FBXO36: variants seen among roughly 807,000 people sequenced by gnomAD.
FBXO36 encodes the protein F-box protein 36, also known as F-box only protein 36.
In FBXO36, 18 loss-of-function variants were observed where a neutral mutation model predicts 17.0. The ratio of observed to expected loss-of-function variants is 1.06; its 90% CI spans 0.73 to 1.57. The LOEUF is 1.57. Among genes scored for constraint, FBXO36 ranks in the 40% most tolerant of loss-of-function variants. FBXO36 has a pLI of 0.00. For synonymous variants in FBXO36, 83 were observed against 85.3 expected, an observed-to-expected ratio of 0.97 and a Z score of 0.15; for missense variants, 229 against 221.9, an observed-to-expected ratio of 1.03 and a Z score of -0.20.
At chr2:229,952,284 T>G (rs892262222) in intron 1 of FBXO36, among the ~76,000 whole-genome samples, 1 of 152,146 alleles carries the variant, frequency 6.6e-6, no homozygotes, top group Non-Finnish European at 1.5e-5. Context: ...TAGGGGAGTT[T>G]CCCAAGACAA....
At chr2:229,957,889 AT>A (rs1207930450) in intron 1 of FBXO36, among the ~76,000 whole-genome samples, 2 of 152,266 alleles carry the variant, frequency 1.3e-5, no homozygotes, top group African/African-American at 4.8e-5. Context: ...TTTAAAATAA[AT>A]TTTTTACTAC....
intron 1 of FBXO36, among the ~76,000 whole-genome samples, chr2:229,971,956 AC>A (rs1434840753): frequency 7.2e-6 from 1 of 139,842 alleles, no homozygotes; most frequent in Non-Finnish European, 1.6e-5. Context: ...GGGATTGCAG[AC>A]ATGAGCCACT....
At chr2:230,010,561 A>G (rs2077410158) in intron 3 of FBXO36, 135 bp from the exon 4 acceptor site, 2 of 707,626 alleles carry the variant, frequency 2.8e-6, no homozygotes, top group Non-Finnish European at 4.6e-6. Flanking sequence ...TGTTTTCCTC[A>G]AAGAGGAGGT....
intron 1 of FBXO36, among the ~76,000 whole-genome samples, chr2:229,962,187 A>C (rs949077141): frequency 2.6e-5 from 4 of 152,042 alleles, no homozygotes; most frequent in African/African-American, 9.7e-5. Context: ...AAAAAAAAAA[A>C]AATTAGGTTT....
At chr2:229,952,815 A>C (rs1437306785) in intron 1 of FBXO36, among the ~76,000 whole-genome samples, 1 of 152,144 alleles carries the variant, frequency 6.6e-6, no homozygotes, top group African/African-American at 2.4e-5. Flanking sequence ...ACTGATAACG[A>C]ACTACAGATG....
intron 3 of FBXO36, among the ~76,000 whole-genome samples, chr2:230,003,209 TAAAAAAAAAAAA>T (rs397872634): frequency 1.9e-5 from 2 of 104,604 alleles, no homozygotes; most frequent in Non-Finnish European, 3.8e-5. Flanking sequence ...GACTCCGTCT[TAAAAAAAAAAAA>T]AAAAAAAAAA....
At chr2:229,957,818 A>G (rs1323477222) in intron 1 of FBXO36, among the ~76,000 whole-genome samples, 1 of 152,202 alleles carries the variant, frequency 6.6e-6, no homozygotes, top group East Asian at 1.9e-4. Context: ...ATTCCCCGCC[A>G]GGAGATTAGA....
At chr2:229,955,261 G>A (rs891029000) in intron 1 of FBXO36, among the ~76,000 whole-genome samples, 7 of 152,118 alleles carry the variant, frequency 4.6e-5, no homozygotes, top group African/African-American at 1.7e-4. Context: ...GAAATATGTT[G>A]GCCAGGCATG....
At chr2:230,005,515 A>G (rs1438351375) in intron 3 of FBXO36, among the ~76,000 whole-genome samples, 1 of 152,206 alleles carries the variant, frequency 6.6e-6, no homozygotes, top group East Asian at 1.9e-4. Context: ...TGCTAAGTGT[A>G]ACTATTTAAA....
chr2:229,977,421 T>C (rs1414623611), intron 2 of FBXO36, among the ~76,000 whole-genome samples: 1 of 152,136 alleles, frequency 6.6e-6, no homozygotes, highest in East Asian at 1.9e-4. Flanking sequence ...AATTCAAACA[T>C]AAAAAGCAGA....
At chr2:229,949,313 C>G (rs2077043058) in intron 1 of FBXO36, among the ~76,000 whole-genome samples, 3 of 151,986 alleles carry the variant, frequency 2.0e-5, no homozygotes, top group African/African-American at 7.3e-5. Context: ...GGAATTTACC[C>G]TAAGGAAATA....
Position 230,001,763 on chromosome 2 carries a change from C to A in FBXO36, c.378+4840C>A, listed in dbSNP as rs182744424. Reference sequence around the variant, plus strand: ...ATCAGTGCTACCTGACACGTGGTTCCAGGGCCTACTCCTGGGAATTTCACT... The same window carrying A: ...ATCAGTGCTACCTGACACGTGGTTCAAGGGCCTACTCCTGGGAATTTCACT... On this transcript the variant is annotated intron_variant, in intron 3 of 3. Transcript: ENST00000283946. Among the ~76,000 whole-genome samples, 19 of 152,230 alleles carry A rather than the reference C, an allele frequency of 1.2e-4. No individual in the cohort carries two copies. In the East Asian group the frequency reaches 3.3e-3, roughly 26 times the overall value.
intron 1 of FBXO36, among the ~76,000 whole-genome samples, chr2:229,928,968 T>A (rs1371934007): frequency 6.3e-5 from 2 of 31,528 alleles, no homozygotes; most frequent in East Asian, 1.3e-3. Flanking sequence ...CCTTTTTTTC[T>A]TTTCATTTTT....
At chr2:229,943,987 A>G (rs2077013513) in intron 1 of FBXO36, among the ~76,000 whole-genome samples, 1 of 152,094 alleles carries the variant, frequency 6.6e-6, no homozygotes, top group Admixed American at 6.6e-5. Flanking sequence ...AAAAGTGTGC[A>G]GCACCTCCCC....
chr2:229,967,968 G>A (rs1415493316), intron 1 of FBXO36, among the ~76,000 whole-genome samples: 2 of 152,018 alleles, frequency 1.3e-5, no homozygotes, highest in African/African-American at 4.8e-5. Flanking sequence ...GCTCCTCCTT[G>A]TACCTCTGGT....
At chr2:229,926,233 C>T (rs2076911528) in intron 1 of FBXO36, among the ~76,000 whole-genome samples, 7 of 151,796 alleles carry the variant, frequency 4.6e-5, no homozygotes, top group Admixed American at 4.6e-4. Context: ...AGCTCGAGAC[C>T]AGCCTGGCCA....
At position 229,929,816 on chromosome 2, in the gene FBXO36, G is replaced by A. The variant is rs188933007; in HGVS notation, c.96+7207G>A. Among the ~76,000 whole-genome samples, 31 of 152,260 alleles carry A rather than the reference G, an allele frequency of 2.0e-4. No homozygotes were observed. The East Asian group carries it at 3.1e-3, about 15-fold the overall frequency. ...GGAGGTTGCAGTGAGCAGAGATCAC[G>A]CCACTGCCCTCCAGCTTGTGCAACA... On this transcript the variant is annotated intron_variant, in intron 1 of 3. Coordinates refer to ENST00000283946, the MANE Select transcript of FBXO36 (RefSeq NM_174899.5).
chr2:229,956,622 C>G (rs1450556036), intron 1 of FBXO36, among the ~76,000 whole-genome samples: 2 of 152,178 alleles, frequency 1.3e-5, no homozygotes, highest in Non-Finnish European at 2.9e-5. Flanking sequence ...CTTTGGTCTT[C>G]TTTCCTGTGG....
chr2:229,934,697 CA>C (rs2076955576), intron 1 of FBXO36, among the ~76,000 whole-genome samples: 1 of 152,124 alleles, frequency 6.6e-6, no homozygotes, highest in Non-Finnish European at 1.5e-5. Flanking sequence ...CTGTGTTGCC[CA>C]GACTGGAGTG....
Sources: gnomAD v4.1 joint callset for allele counts (sites outside exome capture counted in the v4.1 genomes callset) on GRCh38, gnomAD v4.1.1 for gene constraint, MANE v1.5 for transcripts, NCBI Gene and HGNC (gene_info 2026-07-23, HGNC 2026-07-21) for gene names.